The following ACOT7 variants were observed in gnomAD, a reference collection of about 807,000 sequenced individuals.
The protein encoded by ACOT7 is cytosolic acyl coenzyme A thioester hydrolase.
In ACOT7, 12 loss-of-function variants were observed where a neutral mutation model predicts 40.2. That is an observed-to-expected ratio of 0.30 (90% confidence interval 0.19 to 0.48). The LOEUF (loss-of-function observed/expected upper bound fraction) is 0.48, where lower values mean the gene tolerates loss of function less well. ACOT7 is among the 20% of genes least tolerant of loss of function. The probability of loss-of-function intolerance (pLI) is 0.99; values close to 1 mark genes in which losing one functional copy is unlikely to be tolerated. For synonymous variants in ACOT7, 228 were observed against 219.5 expected (o/e 1.04, Z -0.34); for missense variants, 395 against 530.8 (o/e 0.74, Z 2.51).
At chr1:6,393,027 G>A (rs1642559757) in intron 1 of ACOT7, among the ~76,000 whole-genome samples, 1 of 151,868 alleles carries the variant, frequency 6.6e-6, no homozygotes, top group Non-Finnish European at 1.5e-5. Context: ...CCCTGGAGAT[G>A]CGGCCAGGAG....
rs1213371777 is a variant in ACOT7, at chr1:6,311,657, G to A, written c.712+6835C>T. 6.6e-6 allele frequency among the ~76,000 whole-genome samples: 1 copy of A among 152,166 alleles called. No homozygotes were observed. Among genetic ancestry groups the A allele is most frequent in the Non-Finnish European group, 1.5e-5 (1 of 68,038 alleles). ...GGCTTCTCAAAATAGCTCAAAATGG[G>A]TACTAGGCTGCTCACTTAAGGGTAC... On this transcript the variant is annotated intron_variant, in intron 6 of 8. Coordinates refer to ENST00000361521, the MANE Select transcript of ACOT7 (RefSeq NM_007274.4). The surrounding 1 kb of genome is among the most constrained non-coding windows in gnomAD (Gnocchi z 5.2).
Position 6,282,813 on chromosome 1 carries a change from C to G in ACOT7, c.830-1527G>C, listed in dbSNP as rs1639393541. The G allele has an allele frequency of 2.3e-6, 3 of 1,303,966 alleles. No homozygotes were observed. Among genetic ancestry groups the G allele is most frequent in the Non-Finnish European group, 3.0e-6 (3 of 988,814 alleles). The allele number at this position is 1,303,966 out of a possible 1,614,324, so 80.8% of individuals were successfully genotyped here. ...TTACGTGAGCTGTAAGGTACAGAGT[C>G]CCATGCAAAGCGCCCGCAGTCACAA... On this transcript the variant is annotated intron_variant, in intron 7 of 8. Transcript: ENST00000361521. This position sits in a 1 kb window ranked among gnomAD's most constrained non-coding sequence, Gnocchi z 4.5.
At chr1:6,284,500 C>T (rs1288868370) in intron 7 of ACOT7, among the ~76,000 whole-genome samples, 16 of 142,324 alleles carry the variant, frequency 1.1e-4, no homozygotes, top group African/African-American at 3.3e-4. Context: ...CGCCTGAACC[C>T]GGGAGGCGCA....
chr1:6,268,204 C>T (rs890637878), intron 8 of ACOT7, among the ~76,000 whole-genome samples: 5 of 152,040 alleles, frequency 3.3e-5, no homozygotes, highest in African/African-American at 1.2e-4. Context: ...TGAATCGTAT[C>T]CTGGAAGTGG....
At chr1:6,290,347 G>T (rs774005404) in intron 7 of ACOT7, among the ~76,000 whole-genome samples, 7 of 152,168 alleles carry the variant, frequency 4.6e-5, no homozygotes, top group Non-Finnish European at 7.3e-5. Flanking sequence ...ACTGGCAACG[G>T]GTCTCAACTC....
intron 1 of ACOT7, among the ~76,000 whole-genome samples, chr1:6,357,409 C>T (rs1480239053): frequency 6.6e-6 from 1 of 152,230 alleles, no homozygotes; most frequent in Non-Finnish European, 1.5e-5. Flanking sequence ...CCACACGGGG[C>T]CTGCAGGGCA....
Position 6,264,572 on chromosome 1 carries a change from G to C in ACOT7, c.*25C>G, listed in dbSNP as rs1391478822. On this transcript the variant is annotated 3_prime_UTR_variant, in exon 9 of 9. Transcript: ENST00000361521. ...TGGGCCCGTTGCCATGGCTACTCGA[G>C]GCACCAGTGGCAGGAGGAGGGAGTC... 8 of 1,603,984 alleles carry C rather than the reference G, an allele frequency of 5.0e-6. No individual in the cohort carries two copies. The highest frequency in any genetic ancestry group is 1.3e-5 in the African/African-American group (1 of 74,714).
In ACOT7 at chr1:6,327,281, G is replaced by A. The variant is rs778923042; in HGVS notation, c.625+18C>T. On this transcript the variant is annotated intron_variant, in intron 5 of 8. Coordinates refer to ENST00000361521, the MANE Select transcript of ACOT7 (RefSeq NM_007274.4). ...CCGGTGAGGAGTGGCACCTGCTGCT[G>A]GTGTCCGCGGCTCTTACCTGGGTTG... 3 of 1,612,822 alleles carry A rather than the reference G, an allele frequency of 1.9e-6. No individual in the cohort carries two copies. The Admixed American group carries it at 5.0e-5, about 27-fold the overall frequency.
intron 5 of ACOT7, 25 bp downstream of exon 5, chr1:6,327,274 T>C: frequency 1.2e-6 from 2 of 1,611,898 alleles, no homozygotes. Context: ...GAGTGGCACC[T>C]GCTGCTGGTG....
intron 6 of ACOT7, among the ~76,000 whole-genome samples, chr1:6,313,495 A>T (rs981191028): frequency 3.9e-5 from 6 of 152,258 alleles, no homozygotes; most frequent in African/African-American, 1.4e-4. Flanking sequence ...TGGGAAGATG[A>T]CCCTCTAGGC....
intron 2 of ACOT7, among the ~76,000 whole-genome samples, chr1:6,348,259 C>T (rs1331792897): frequency 3.3e-5 from 5 of 152,182 alleles, no homozygotes; most frequent in Admixed American, 6.5e-5. Context: ...CGACATCCCC[C>T]ACATCCACGT....
At chr1:6,367,647 G>A (rs1642041579) in intron 1 of ACOT7, among the ~76,000 whole-genome samples, 1 of 152,204 alleles carries the variant, frequency 6.6e-6, no homozygotes, top group South Asian at 2.1e-4. Flanking sequence ...TGTGGTGCCT[G>A]GAAGCTTGGT....
In ACOT7 at chr1:6,338,519, C is replaced by T. The variant is rs752375405; in HGVS notation, c.418+914G>A. On this transcript the variant is annotated intron_variant, in intron 3 of 8. Coordinates refer to ENST00000361521, the MANE Select transcript of ACOT7 (RefSeq NM_007274.4). This position sits in a 1 kb window ranked among gnomAD's most constrained non-coding sequence, Gnocchi z 4.4. ...TCCACCCCAGGCCCTTGCTCAGCTC[C>T]ATCTGCCCACCTGCCGGAGCTGGGC... Among the ~76,000 whole-genome samples the T allele has an allele frequency of 7.9e-5, 12 of 152,222 alleles. No homozygotes were observed. The highest frequency in any genetic ancestry group is 1.6e-4 in the Non-Finnish European group (11 of 68,042).
intron 6 of ACOT7, among the ~76,000 whole-genome samples, chr1:6,295,728 T>C (rs749271518): frequency 2.6e-4 from 40 of 152,204 alleles, no homozygotes; most frequent in Non-Finnish European, 4.6e-4. Flanking sequence ...GGCAAGTCCA[T>C]GGGGACAGAG....
At position 6,282,878 on chromosome 1, in the gene ACOT7, C is replaced by A; in HGVS notation, c.830-1592G>T. On this transcript the variant is annotated intron_variant, in intron 7 of 8. Transcript: ENST00000361521. The surrounding 1 kb of genome is among the most constrained non-coding windows in gnomAD (Gnocchi z 4.5). ...GGAGGGCAGGCCATGGGTCAGGCCC[C>A]AGCTAAGGAGCTAGAAGTTTCAACA... 2 of 1,019,398 alleles carry A rather than the reference C, an allele frequency of 2.0e-6. No individual in the cohort carries two copies. The highest frequency in any genetic ancestry group is 2.7e-6 in the Non-Finnish European group (2 of 729,358). 63.1% of individuals were successfully genotyped at this position (1,019,398 alleles called of 1,614,324 possible).
rs774284617 is a variant in ACOT7 at position 6,339,495 on chromosome 1, G to A, written c.356C>T (p.Thr119Ile). The change falls in exon 3 of 9, where the codon ACC (threonine) becomes ATC (isoleucine). Residue 119 changes from threonine to isoleucine, a missense_variant. Physicochemically the swap from Thr to Ile is moderately conservative, Grantham distance 89. Coordinates refer to ENST00000361521, the MANE Select transcript of ACOT7 (RefSeq NM_007274.4). The part of the protein sequence containing the change: ...GEVAHVSAEI[T>I]YTSKHSVEVQ... ...CTCCACAGAGTGCTTGGAGGTGTAG[G>A]TGATCTCCGCGCTGACATGCGCCAC... 1 of 1,613,758 alleles carries A rather than the reference G, an allele frequency of 6.2e-7. No individual in the cohort carries two copies. Among genetic ancestry groups the A allele is most frequent in the South Asian group, 1.1e-5 (1 of 91,088 alleles).
intron 1 of ACOT7, among the ~76,000 whole-genome samples, chr1:6,385,043 A>C (rs1042852053): frequency 4.6e-5 from 7 of 151,990 alleles, no homozygotes; most frequent in African/African-American, 1.7e-4. Context: ...TAAGCAGCTC[A>C]ACACTGCACT....
At position 6,301,998 on chromosome 1, in the gene ACOT7, G is replaced by A. The variant is rs75953809; in HGVS notation, c.713-7018C>T. 6.6e-6 allele frequency among the ~76,000 whole-genome samples: 1 copy of A among 152,256 alleles called. No homozygotes were observed. Among genetic ancestry groups the A allele is most frequent in the South Asian group, 2.1e-4 (1 of 4,830 alleles). On this transcript the variant is annotated intron_variant, in intron 6 of 8. Coordinates refer to ENST00000361521, the MANE Select transcript of ACOT7 (RefSeq NM_007274.4). This position sits in a 1 kb window ranked among gnomAD's most constrained non-coding sequence, Gnocchi z 4.1. Reference sequence around the variant, plus strand: ...ACTAACGATGGAAAAGGCCAAGACTGGTGGATGGAGTCAGTGCTATTCTGG... The same window carrying A: ...ACTAACGATGGAAAAGGCCAAGACTAGTGGATGGAGTCAGTGCTATTCTGG...
rs532240273 is a variant in ACOT7, at chr1:6,336,727, CCCACAGTGTG to C, written c.418+2696_418+2705del. 3.4e-3 allele frequency among the ~76,000 whole-genome samples: 519 copies of C among 152,058 alleles called. 3 individuals are homozygous for C. The highest frequency in any genetic ancestry group is 0.011 in the South Asian group (53 of 4,820). On this transcript the variant is annotated intron_variant, in intron 3 of 8. Coordinates refer to ENST00000361521, the MANE Select transcript of ACOT7 (RefSeq NM_007274.4). ...CCATTCAGCCAGTGCTCCCCGTGTG[CCCACAGTGTG>C]CCAGGCACTGTTCTTGCTGTTGGGG...
Sources: allele counts gnomAD v4.1 joint callset (sites outside exome capture counted in the v4.1 genomes callset), GRCh38; gene constraint gnomAD v4.1.1; non-coding constraint Gnocchi (gnomAD v3.1); transcripts MANE v1.5; gene names NCBI Gene and HGNC (gene_info 2026-07-23, HGNC 2026-07-21).